MAP3K2: variants seen among roughly 807,000 people sequenced by gnomAD.
The protein encoded by MAP3K2 is mitogen-activated protein kinase kinase kinase 2.
In MAP3K2, 24 loss-of-function variants were observed where a neutral mutation model predicts 80.3. The observed-to-expected ratio is 0.30, with a 90% CI of 0.22 to 0.42. MAP3K2 has a LOEUF of 0.42. Among genes scored for constraint, MAP3K2 ranks in the 10% least tolerant of loss-of-function variants. MAP3K2 has a pLI of 1.00. For synonymous variants in MAP3K2, 244 were observed against 253.7 expected (o/e 0.96, Z 0.36); for missense variants, 608 against 750.1 (o/e 0.81, Z 2.21).
intron 2 of MAP3K2, among the ~76,000 whole-genome samples, chr2:127,341,039 G>A (rs1336278975): frequency 6.6e-6 from 1 of 152,090 alleles, no homozygotes; most frequent in Admixed American, 6.5e-5. Flanking sequence ...GCCCAGGATG[G>A]AGTGCAGTGG....
In MAP3K2 at chr2:127,322,073, C is replaced by T. The variant is rs376189453; in HGVS notation, c.1018G>A (p.Val340Ile). The T allele has an allele frequency of 6.2e-6, 10 of 1,613,336 alleles. No homozygotes were observed. Among genetic ancestry groups the T allele is most frequent in the Non-Finnish European group, 8.5e-6 (10 of 1,179,714 alleles). Residue 340 changes from valine (V) to isoleucine (I), a missense_variant, in exon 12 of 17, where the codon GTA becomes ATA. Around this residue, in one of 4 missense-constraint regions of MAP3K2, gnomAD observed 467 missense variants for 521.9 expected, o/e 0.89. Transcript: ENST00000682094. The surrounding 1 kb of genome is among the most constrained non-coding windows in gnomAD (Gnocchi z 4.2). ...GSDIDNPTLT[V>I]MDISPPSRSP... Reference sequence around the variant, plus strand: ...CGGCTGGGTGGGCTGATGTCCATTACGGTCAAAGTAGGATTGTCTATGTCA... The same window carrying T: ...CGGCTGGGTGGGCTGATGTCCATTATGGTCAAAGTAGGATTGTCTATGTCA...
intron 2 of MAP3K2, among the ~76,000 whole-genome samples, chr2:127,342,574 C>G (rs1220789470): frequency 6.6e-6 from 1 of 151,946 alleles, no homozygotes; most frequent in Admixed American, 6.6e-5. Context: ...TAGGGTGGGC[C>G]ATTCGTGACT....
At chr2:127,340,832 AATCT>A (rs753630565) in intron 2 of MAP3K2, among the ~76,000 whole-genome samples, 1 of 152,102 alleles carries the variant, frequency 6.6e-6, no homozygotes, top group African/African-American at 2.4e-5. Context: ...TGGGAACTTA[AATCT>A]ATCTATGTTG....
rs965482599 is a variant in MAP3K2 at position 127,307,465 on chromosome 2, C to CT, written c.*113dup. On this transcript the variant is annotated 3_prime_UTR_variant, in exon 17 of 17. Transcript: ENST00000682094. This position sits in a 1 kb window ranked among gnomAD's most constrained non-coding sequence, Gnocchi z 5.4. Reference sequence around the variant, plus strand: ...AAGAATCAAGAGAAATACTTTCCCTCTTGTCTTTTTTCTCCCCCATCTCTC... The same window carrying CT: ...AAGAATCAAGAGAAATACTTTCCCTCTTTGTCTTTTTTCTCCCCCATCTCTC... 1.9e-6 allele frequency: 1 copy of CT among 531,618 alleles called. No individual in the cohort carries two copies. The highest frequency in any genetic ancestry group is 1.9e-5 in the African/African-American group (1 of 51,932). 32.9% of individuals were successfully genotyped at this position (531,618 alleles called of 1,614,324 possible).
In MAP3K2 at chr2:127,326,767, C is replaced by A; in HGVS notation, c.517G>T (p.Glu173Ter). Residue 173 changes from glutamate to a stop codon, truncating the protein, a stop_gained, in exon 8 of 17, where the codon GAA (glutamate) becomes TAA (stop). Coordinates refer to ENST00000682094, the MANE Select transcript of MAP3K2 (RefSeq NM_001371910.2). LOFTEE classifies it high-confidence loss of function. ...CCATTCCGGGCAACCTGGTGTAATT[C>A]ATCTGGAATGTAACCTGGGGGAGGA... is the stretch of plus-strand genomic sequence containing the variant. ...SSPPPGYIPD[E>*]LHQVARNGSF... The A allele has an allele frequency of 6.2e-7, 1 of 1,605,150 alleles. No homozygotes were observed. The highest frequency in any genetic ancestry group is 1.3e-5 in the African/African-American group (1 of 74,864).
rs1687236660 is a variant in MAP3K2, at chr2:127,381,024, T to C, written c.-66+6428A>G. ...AAGAACATGCAGTAAAGTTTAAAAA[T>C]TTATCCTTCTTTTTTTCCTGATTTT... On this transcript the variant is annotated intron_variant, in intron 1 of 16. Transcript: ENST00000682094. 1.3e-5 allele frequency among the ~76,000 whole-genome samples: 2 copies of C among 152,174 alleles called. 1 individual carries two copies. Among genetic ancestry groups the C allele is most frequent in the South Asian group, 4.1e-4 (2 of 4,828 alleles).
chr2:127,363,021 CAAT>C (rs1175839119), intron 1 of MAP3K2, among the ~76,000 whole-genome samples: 1 of 152,024 alleles, frequency 6.6e-6, no homozygotes, highest in Non-Finnish European at 1.5e-5. Flanking sequence ...TGCCGTGTAA[CAAT>C]AATTTACACA....
chr2:127,335,016 C>T (rs911775501), intron 5 of MAP3K2, among the ~76,000 whole-genome samples: 2 of 152,138 alleles, frequency 1.3e-5, no homozygotes, highest in Non-Finnish European at 2.9e-5. Flanking sequence ...GATCTGCCCA[C>T]CTCTGCCTCC....
At chr2:127,343,320 C>T (rs1030022884) in intron 1 of MAP3K2, 126 bp from the exon 2 acceptor site, 11 of 510,036 alleles carry the variant, frequency 2.2e-5, no homozygotes, top group South Asian at 1.8e-4. Context: ...TTACACATTT[C>T]GCTAGGGGGA....
intron 1 of MAP3K2, among the ~76,000 whole-genome samples, chr2:127,376,136 T>C (rs1441360822): frequency 6.6e-6 from 1 of 152,204 alleles, no homozygotes; most frequent in African/African-American, 2.4e-5. Flanking sequence ...CTTGGAAGGC[T>C]GTAAGGTTTT....
chr2:127,375,187 G>T (rs1040397533), intron 1 of MAP3K2, among the ~76,000 whole-genome samples: 1 of 151,864 alleles, frequency 6.6e-6, no homozygotes, highest in African/African-American at 2.4e-5. Flanking sequence ...ATAATGCATC[G>T]AACCATACCA....
chr2:127,379,022 A>T (rs1333831979), intron 1 of MAP3K2, among the ~76,000 whole-genome samples: 3 of 110,614 alleles, frequency 2.7e-5, no homozygotes, highest in Non-Finnish European at 5.1e-5. Context: ...GGGTTTCCTC[A>T]TGTTGCCTAG....
chr2:127,331,398 T>C (rs1456732300), intron 5 of MAP3K2, among the ~76,000 whole-genome samples: 1 of 152,190 alleles, frequency 6.6e-6, no homozygotes, highest in Non-Finnish European at 1.5e-5. Flanking sequence ...ATATGAGCCA[T>C]TAAAATGCAA....
chr2:127,314,677 G>A, intron 15 of MAP3K2, 77 bp downstream of exon 15: 1 of 1,157,594 alleles, frequency 8.6e-7, no homozygotes, highest in Non-Finnish European at 1.3e-6. Flanking sequence ...AATGTTAAAT[G>A]TCTTACCCAC....
rs903125649 is a variant in MAP3K2 at position 127,340,149 on chromosome 2, G to C, written c.5-1099C>G. ...AAGTAATGGTTGCCATGGTTTTATT[G>C]GTTTATTAATTTATTAATATTTCCA... On this transcript the variant is annotated intron_variant, in intron 2 of 16. Transcript: ENST00000682094. Among the ~76,000 whole-genome samples, 4 of 151,930 alleles carry C rather than the reference G, an allele frequency of 2.6e-5. No individual in the cohort carries two copies. The East Asian group carries it at 7.7e-4, about 29-fold the overall frequency.
chr2:127,375,240 T>C (rs997785027), intron 1 of MAP3K2, among the ~76,000 whole-genome samples: 2 of 151,616 alleles, frequency 1.3e-5, no homozygotes, highest in African/African-American at 2.4e-5. Context: ...ATAAAGAAAA[T>C]AACCCTATGG....
In MAP3K2 at chr2:127,387,925, G is replaced by C; in HGVS notation, c.-539C>G. On this transcript the variant is annotated 5_prime_UTR_variant, in exon 1 of 17. Coordinates refer to ENST00000682094, the MANE Select transcript of MAP3K2 (RefSeq NM_001371910.2). ...AGCGGCCGCGGCACCCTCGTCAGGC[G>C]CCGCCGCTGAGGGCAGGCAGCCCGG... is the stretch of plus-strand genomic sequence containing the variant. 2.0e-6 allele frequency: 2 copies of C among 984,720 alleles called. No individual in the cohort carries two copies. The highest frequency in any genetic ancestry group is 1.2e-6 in the Non-Finnish European group (1 of 829,634). 61.0% of individuals were successfully genotyped at this position (984,720 alleles called of 1,614,324 possible). A position where few individuals can be genotyped will look rare whatever the true frequency, so the allele number is the denominator to read the frequency against.
rs1448290982 is a variant in MAP3K2 at position 127,300,888 on chromosome 2, C to A, written c.*6691G>T. 1 of 152,182 alleles carries A rather than the reference C, an allele frequency of 6.6e-6. No homozygotes were observed. Among genetic ancestry groups the A allele is most frequent in the African/African-American group, 2.4e-5 (1 of 41,444 alleles). The allele number at this position is 152,182 out of a possible 1,614,324, so 9.4% of individuals were successfully genotyped here. A position where few individuals can be genotyped will look rare whatever the true frequency, so the allele number is the denominator to read the frequency against. On this transcript the variant is annotated 3_prime_UTR_variant, in exon 17 of 17. Transcript: ENST00000682094. ...GAATACATCAAATCCATTTTGTAGT[C>A]TATCTAATAGAGTTTAAGGTGTAAT... is the stretch of plus-strand genomic sequence containing the variant.
Position 127,307,386 on chromosome 2 carries a change from A to G in MAP3K2, c.*193T>C, listed in dbSNP as rs1314969082. 2 of 369,952 alleles carry G rather than the reference A, an allele frequency of 5.4e-6. No individual in the cohort carries two copies. Among genetic ancestry groups the G allele is most frequent in the African/African-American group, 4.2e-5 (2 of 47,624 alleles). The allele number at this position is 369,952 out of a possible 1,614,324, so 22.9% of individuals were successfully genotyped here. A position where few individuals can be genotyped will look rare whatever the true frequency, so the allele number is the denominator to read the frequency against. On this transcript the variant is annotated 3_prime_UTR_variant, in exon 17 of 17. Coordinates refer to ENST00000682094, the MANE Select transcript of MAP3K2 (RefSeq NM_001371910.2). This position sits in a 1 kb window ranked among gnomAD's most constrained non-coding sequence, Gnocchi z 5.4. The stretch of plus-strand genomic sequence containing the variant: ...AAACTTCAAGTTCTTGTAAGGGAAA[A>G]AAAGATTAAATATAAAAAATTTAGG...
Sources: gnomAD v4.1 joint callset for allele counts (sites outside exome capture counted in the v4.1 genomes callset) on GRCh38, gnomAD v4.1.1 for gene constraint, gnomAD v4.1.1 regional missense constraint, Gnocchi (gnomAD v3.1) non-coding constraint, MANE v1.5 for transcripts, NCBI Gene and HGNC (gene_info 2026-07-23, HGNC 2026-07-21) for gene names.